Variants in TMEM132D observed in about 807,000 individuals in gnomAD.
The protein encoded by TMEM132D is mature OL transmembrane protein.
In TMEM132D, 21 loss-of-function variants were observed where a neutral mutation model predicts 62.3. The observed-to-expected ratio is 0.34, with a 90% CI of 0.24 to 0.49. TMEM132D has a LOEUF of 0.49. TMEM132D is among the 20% of genes least tolerant of loss of function. The pLI is 0.99. For synonymous variants in TMEM132D, 621 were observed against 575.6 expected, an observed-to-expected ratio of 1.08 and a Z score of -1.13; for missense variants, 1,346 against 1,402.8, an observed-to-expected ratio of 0.96 and a Z score of 0.65.
chr12:129,075,157 C>A, intron 8 of TMEM132D, 98 bp from the exon 9 acceptor site: 1 of 952,888 alleles, frequency 1.0e-6, no homozygotes, highest in South Asian at 1.7e-5. Context: ...ACTATTGCTA[C>A]AAGAACAAAG....
chr12:129,567,482 A>T (rs1395825634), intron 2 of TMEM132D, among the ~76,000 whole-genome samples: 1 of 152,212 alleles, frequency 6.6e-6, no homozygotes, highest in African/African-American at 2.4e-5. Flanking sequence ...AGCTATTAAA[A>T]TATTCTCTTT....
chr12:129,084,815 T>TC, intron 5 of TMEM132D, 113 bp from the exon 6 acceptor site: 2 of 959,368 alleles, frequency 2.1e-6, no homozygotes, highest in Non-Finnish European at 1.5e-6. Flanking sequence ...TTCCCTTTCC[T>TC]CCCCTTACTA....
intron 1 of TMEM132D, among the ~76,000 whole-genome samples, chr12:129,800,192 G>A (rs578215962): frequency 3.3e-5 from 5 of 152,230 alleles, no homozygotes; most frequent in South Asian, 2.1e-4. Flanking sequence ...CAGAAAGGAC[G>A]TGGATTTAAG....
chr12:129,841,953 C>T (rs1200373613), intron 1 of TMEM132D, among the ~76,000 whole-genome samples: 3 of 144,070 alleles, frequency 2.1e-5, no homozygotes, highest in Non-Finnish European at 4.5e-5. Flanking sequence ...TTTTTTGAGA[C>T]GGAGTCTCGG....
intron 1 of TMEM132D, among the ~76,000 whole-genome samples, chr12:129,825,249 C>G (rs916887343): frequency 9.9e-5 from 15 of 151,760 alleles, no homozygotes; most frequent in Non-Finnish European, 1.9e-4. Context: ...AACTCCTGAC[C>G]TCAGGTCATC....
chr12:129,581,015 T>C lies in TMEM132D; in HGVS notation c.969-49810A>G, dbSNP rs1458614963. Among the ~76,000 whole-genome samples the C allele has an allele frequency of 5.9e-5, 9 of 152,280 alleles. No individual in the cohort carries two copies. The East Asian group carries it at 1.7e-3, about 29-fold the overall frequency. On this transcript the variant is annotated intron_variant, in intron 2 of 8. Coordinates refer to ENST00000422113, the MANE Select transcript of TMEM132D (RefSeq NM_133448.3). ...TCTATATCTGACCCTCCAAACTTCA[T>C]GTTGAAATTTGATCTGCAATGTTGG...
At position 129,649,685 on chromosome 12, in the gene TMEM132D, T is replaced by A. The variant is rs139035710; in HGVS notation, c.968+50125A>T. 5.1e-3 allele frequency among the ~76,000 whole-genome samples: 774 copies of A among 152,270 alleles called. 5 individuals carry two copies. The highest frequency in any genetic ancestry group is 0.018 in the African/African-American group (732 of 41,576). ...ACAACCTATAGAATATACTGTTCTA[T>A]ATAATAGAATAAAAAGGTATATATA... On this transcript the variant is annotated intron_variant, in intron 2 of 8. Coordinates refer to ENST00000422113, the MANE Select transcript of TMEM132D (RefSeq NM_133448.3).
intron 1 of TMEM132D, among the ~76,000 whole-genome samples, chr12:129,775,731 C>T (rs760699657): frequency 1.5e-4 from 23 of 152,190 alleles, no homozygotes; most frequent in African/African-American, 4.8e-4. Context: ...ATTCCTGCCT[C>T]CCAGGCCCCT....
chr12:129,473,329 T>TG (rs1566081280), intron 3 of TMEM132D, among the ~76,000 whole-genome samples: 1 of 133,308 alleles, frequency 7.5e-6, no homozygotes, highest in African/African-American at 2.8e-5. Flanking sequence ...TTTTTGTTTT[T>TG]TTTTTTTTTT....
intron 3 of TMEM132D, among the ~76,000 whole-genome samples, chr12:129,363,493 G>A (rs537481086): frequency 6.6e-6 from 1 of 152,262 alleles, no homozygotes; most frequent in South Asian, 2.1e-4. Flanking sequence ...ATCTACTAAT[G>A]GTTTTCTCAA....
intron 3 of TMEM132D, among the ~76,000 whole-genome samples, chr12:129,404,312 C>T (rs879774534): frequency 2.0e-5 from 3 of 152,070 alleles, no homozygotes; most frequent in African/African-American, 4.8e-5. Context: ...GATTCTCCTG[C>T]CTCAGCCTCC....
intron 2 of TMEM132D, among the ~76,000 whole-genome samples, chr12:129,668,318 T>C (rs887839297): frequency 1.3e-5 from 2 of 150,878 alleles, no homozygotes; most frequent in Non-Finnish European, 3.0e-5. Flanking sequence ...ATAATTGTTC[T>C]GTAAAATTGT....
intron 5 of TMEM132D, chr12:129,086,025 T>C (rs1874606051): frequency 6.6e-6 from 1 of 152,374 alleles, no homozygotes; most frequent in South Asian, 2.1e-4. Context: ...AAAAGGTATG[T>C]GACCAAATTA....
At chr12:129,381,121 G>A (rs1288769000) in intron 3 of TMEM132D, among the ~76,000 whole-genome samples, 1 of 152,214 alleles carries the variant, frequency 6.6e-6, no homozygotes, top group Non-Finnish European at 1.5e-5. Context: ...GAGAAAAGGA[G>A]TAAAGGATAG....
intron 1 of TMEM132D, among the ~76,000 whole-genome samples, chr12:129,735,735 G>C (rs548124719): frequency 1.3e-5 from 2 of 152,290 alleles, no homozygotes; most frequent in Non-Finnish European, 1.5e-5. Context: ...TGGATGGTCA[G>C]AATAACAGTA....
chr12:129,286,690 C>T (rs1252185008), intron 4 of TMEM132D, among the ~76,000 whole-genome samples: 1 of 152,108 alleles, frequency 6.6e-6, no homozygotes, highest in Non-Finnish European at 1.5e-5. Context: ...GTTCAGAATC[C>T]ATTAAGAGCA....
At chr12:129,201,842 C>G (rs1878711989) in intron 5 of TMEM132D, among the ~76,000 whole-genome samples, 2 of 152,010 alleles carry the variant, frequency 1.3e-5, no homozygotes, top group Non-Finnish European at 2.9e-5. Context: ...TTTTGGAGTT[C>G]TAAATAAAAC....
At chr12:129,665,725 AT>A (rs1463570234) in intron 2 of TMEM132D, among the ~76,000 whole-genome samples, 5 of 152,106 alleles carry the variant, frequency 3.3e-5, no homozygotes, top group African/African-American at 1.2e-4. Flanking sequence ...TAGGTACTTT[AT>A]ATTAACTTTT....
At chr12:129,546,662 G>A (rs148382140) in intron 2 of TMEM132D, among the ~76,000 whole-genome samples, 10 of 152,142 alleles carry the variant, frequency 6.6e-5, no homozygotes, top group Middle Eastern at 3.4e-3. Context: ...TTAGCCAGGC[G>A]TGGTGGCATA....
Sources: gnomAD v4.1 joint callset for allele counts (sites outside exome capture counted in the v4.1 genomes callset) on GRCh38, gnomAD v4.1.1 for gene constraint, MANE v1.5 for transcripts, NCBI Gene and HGNC (gene_info 2026-07-23, HGNC 2026-07-21) for gene names.